Variants in PIK3C2G observed in about 807,000 individuals in gnomAD.
PIK3C2G encodes the protein phosphatidylinositol-4-phosphate 3-kinase catalytic subunit type 2 gamma, also known as phosphatidylinositol 3-kinase C2 domain-containing subunit gamma.
Under a neutral mutation model 181.1 loss-of-function variants are expected in PIK3C2G, and 168 were observed. That is an observed-to-expected ratio of 0.93 (90% confidence interval 0.82 to 1.05). The LOEUF (loss-of-function observed/expected upper bound fraction) is 1.05, where lower values mean the gene tolerates loss of function less well. PIK3C2G is among the 50% of genes least tolerant of loss of function. PIK3C2G has a pLI of 0.00. For synonymous variants in PIK3C2G, 573 were observed against 592.2 expected, an observed-to-expected ratio of 0.97 and a Z score of 0.47; for missense variants, 1,869 against 1,732.8, an observed-to-expected ratio of 1.08 and a Z score of -1.40.
chr12:18,300,952 A>C (rs577102015), intron 5 of PIK3C2G, among the ~76,000 whole-genome samples: 1 of 152,224 alleles, frequency 6.6e-6, no homozygotes, highest in Non-Finnish European at 1.5e-5. Flanking sequence ...TCATTTGGCA[A>C]GTATAACTTA....
At chr12:18,378,049 T>A (rs1942577252) in intron 13 of PIK3C2G, among the ~76,000 whole-genome samples, 1 of 152,126 alleles carries the variant, frequency 6.6e-6, no homozygotes, top group Non-Finnish European at 1.5e-5. Flanking sequence ...CACATCTATG[T>A]CAGATGACTT....
At chr12:18,466,257 T>C (rs2135957041) in intron 18 of PIK3C2G, among the ~76,000 whole-genome samples, 2 of 148,246 alleles carry the variant, frequency 1.3e-5, no homozygotes, top group Middle Eastern at 3.4e-3. Context: ...ATGTATTAGG[T>C]ATCACTATTT....
intron 29 of PIK3C2G, among the ~76,000 whole-genome samples, chr12:18,577,335 T>C (rs1473374060): frequency 1.3e-5 from 2 of 152,182 alleles, no homozygotes; most frequent in African/African-American, 4.8e-5. Context: ...CCACCAAACA[T>C]AGCTTTTGCT....
At position 18,421,106 on chromosome 12, in the gene PIK3C2G, A is replaced by C. The variant is rs188572836; in HGVS notation, c.2409+72A>C. The C allele has an allele frequency of 8.8e-5, 74 of 841,094 alleles. No homozygotes were observed. The African/African-American group carries it at 1.2e-3, about 13-fold the overall frequency. The allele number at this position is 841,094 out of a possible 1,614,324, so 52.1% of individuals were successfully genotyped here. ...ATCTCTAAAAGGTTCCTAATGAATCAACAATAGTCTATCTAGAAGTGACAT... is the reference window on the plus strand; with the variant it reads ...ATCTCTAAAAGGTTCCTAATGAATCCACAATAGTCTATCTAGAAGTGACAT... On this transcript the variant is annotated intron_variant, in intron 17 of 32. Transcript: ENST00000538779.
chr12:18,520,819 G>A (rs556598807), intron 24 of PIK3C2G, among the ~76,000 whole-genome samples: 16 of 151,952 alleles, frequency 1.1e-4, no homozygotes, highest in South Asian at 1.0e-3. Flanking sequence ...GATTTTCAGC[G>A]TTTGTTTGCT....
chr12:18,362,953 T>A (rs1941371205), intron 12 of PIK3C2G, 67 bp downstream of exon 12: 7 of 1,256,606 alleles, frequency 5.6e-6, no homozygotes, highest in East Asian at 2.7e-5. Flanking sequence ...CCCCTTTTTT[T>A]AAAAGCAAGG....
chr12:18,589,230 T>C (rs926209239), intron 29 of PIK3C2G, among the ~76,000 whole-genome samples: 1 of 151,794 alleles, frequency 6.6e-6, no homozygotes, highest in African/African-American at 2.4e-5. Flanking sequence ...AGGAGATCTA[T>C]TTATGGATCT....
At chr12:18,677,060 A>C in the PIK3C2G span, among the ~76,000 whole-genome samples, 1 of 152,218 alleles carries the variant, frequency 6.6e-6, no homozygotes, top group Non-Finnish European at 1.5e-5. Flanking sequence ...CTTTCCCAAA[A>C]GGAAAATAAA....
intron 18 of PIK3C2G, among the ~76,000 whole-genome samples, chr12:18,480,956 CG>C (rs1469685429): frequency 6.6e-6 from 1 of 151,724 alleles, no homozygotes; most frequent in African/African-American, 2.4e-5. Flanking sequence ...TTTTTTGAGA[CG>C]GAGTCTCACT....
At chr12:18,298,626 C>A (rs962372732) in intron 5 of PIK3C2G, among the ~76,000 whole-genome samples, 1 of 151,600 alleles carries the variant, frequency 6.6e-6, no homozygotes, top group Admixed American at 6.6e-5. Flanking sequence ...TTGCCTACAC[C>A]AATGTTCTGG....
chr12:18,279,445 C>T (rs1335419208), intron 1 of PIK3C2G, among the ~76,000 whole-genome samples: 1 of 151,810 alleles, frequency 6.6e-6, no homozygotes, highest in Non-Finnish European at 1.5e-5. Context: ...CCATTGATAC[C>T]TTATTTAAAG....
At chr12:18,389,769 G>A (rs1278496181) in intron 14 of PIK3C2G, among the ~76,000 whole-genome samples, 4 of 152,046 alleles carry the variant, frequency 2.6e-5, no homozygotes, top group African/African-American at 7.2e-5. Flanking sequence ...AAGATCTCAC[G>A]TATCAGAAAT....
In PIK3C2G at chr12:18,628,363, T is replaced by G. The variant is rs77662893; in HGVS notation, c.4183-12066T>G. ...CTTTATAAACAGTTTAAAATGTGCTTTGTTTTTGTACTAACATGCTACTGC... is the reference window on the plus strand; with the variant it reads ...CTTTATAAACAGTTTAAAATGTGCTGTGTTTTTGTACTAACATGCTACTGC... On this transcript the variant is annotated intron_variant, in intron 31 of 32. Coordinates refer to ENST00000538779, the MANE Select transcript of PIK3C2G (RefSeq NM_001288772.2). Among the ~76,000 whole-genome samples, 64 of 152,312 alleles carry G rather than the reference T, an allele frequency of 4.2e-4. 1 individual carries two copies. The East Asian group carries it at 0.011, about 27-fold the overall frequency.
chr12:18,700,139 G>A, the PIK3C2G span, among the ~76,000 whole-genome samples: 2 of 152,112 alleles, frequency 1.3e-5, no homozygotes, highest in Admixed American at 1.3e-4. Flanking sequence ...GTTAAGATAA[G>A]CTAGCTTAAA....
chr12:18,405,034 T>C (rs1944441619), intron 16 of PIK3C2G, among the ~76,000 whole-genome samples: 1 of 151,962 alleles, frequency 6.6e-6, no homozygotes, highest in African/African-American at 2.4e-5. Flanking sequence ...AGAGAAGAAA[T>C]AAGGAAGACT....
chr12:18,447,142 T>A (rs1484851561), intron 18 of PIK3C2G, among the ~76,000 whole-genome samples: 1 of 152,172 alleles, frequency 6.6e-6, no homozygotes, highest in East Asian at 1.9e-4. Flanking sequence ...ATGTTACCCC[T>A]ATTTGGTTCG....
chr12:18,704,733 C>T, the PIK3C2G span, among the ~76,000 whole-genome samples: 15 of 152,124 alleles, frequency 9.9e-5, 1 homozygote, highest in South Asian at 4.1e-4. Flanking sequence ...CAAATTAAGA[C>T]GGAAAGGGTC....
At chr12:18,464,347 C>T (rs998827826) in intron 18 of PIK3C2G, among the ~76,000 whole-genome samples, 2 of 151,976 alleles carry the variant, frequency 1.3e-5, no homozygotes, top group Non-Finnish European at 2.9e-5. Flanking sequence ...GCCTCATGAC[C>T]TAATCACTTC....
At chr12:18,670,291 T>A in the PIK3C2G span, among the ~76,000 whole-genome samples, 1 of 151,404 alleles carries the variant, frequency 6.6e-6, no homozygotes, top group Admixed American at 6.6e-5. Context: ...TACACACATA[T>A]GCGCACACAC....
Sources: allele counts gnomAD v4.1 joint callset (sites outside exome capture counted in the v4.1 genomes callset), GRCh38; gene constraint gnomAD v4.1.1; transcripts MANE v1.5; gene names NCBI Gene and HGNC (gene_info 2026-07-23, HGNC 2026-07-21).